The following ZNRF1 variants were observed in gnomAD, a reference collection of about 807,000 sequenced individuals.
The protein encoded by ZNRF1 is zinc and ring finger 1, also known as E3 ubiquitin-protein ligase ZNRF1.
In ZNRF1, 3 loss-of-function variants were observed where a neutral mutation model predicts 18.4. The observed-to-expected ratio is 0.16, with a 90% CI of 0.07 to 0.42. The LOEUF is 0.42. Ranked by LOEUF, ZNRF1 falls within the 10% of genes least tolerant of loss-of-function variation. ZNRF1 has a pLI of 0.99. For synonymous variants in ZNRF1, 157 were observed against 144.2 expected, an observed-to-expected ratio of 1.09 and a Z score of -0.64; for missense variants, 310 against 329.8, an observed-to-expected ratio of 0.94 and a Z score of 0.47.
intron 2 of ZNRF1, among the ~76,000 whole-genome samples, chr16:75,098,320 C>G (rs1361262448): frequency 3.9e-5 from 6 of 152,222 alleles, no homozygotes; most frequent in African/African-American, 1.4e-4. Flanking sequence ...TGGGAGGGAG[C>G]TGTAGTGGCC....
Position 75,026,924 on chromosome 16 carries a change from A to G in ZNRF1, c.424+26829A>G, listed in dbSNP as rs573601711. 2.0e-5 allele frequency among the ~76,000 whole-genome samples: 3 copies of G among 150,082 alleles called. No homozygotes were observed. In the South Asian group the frequency reaches 6.3e-4, roughly 32 times the overall value. On this transcript the variant is annotated intron_variant, in intron 1 of 4. Transcript: ENST00000335325. ...TCTCAAAAAAAAAAAGAAAGAAAGA[A>G]AAAGAATATCACTAATAACAGACAT... is the stretch of plus-strand genomic sequence containing the variant.
At chr16:75,049,236 C>G (rs1442857910) in intron 1 of ZNRF1, among the ~76,000 whole-genome samples, 2 of 151,926 alleles carry the variant, frequency 1.3e-5, no homozygotes, top group Admixed American at 6.6e-5. Flanking sequence ...AACTCCTGAC[C>G]TTAGGTGATC....
At chr16:75,067,032 G>C (rs145864782) in intron 1 of ZNRF1, among the ~76,000 whole-genome samples, 1 of 152,172 alleles carries the variant, frequency 6.6e-6, no homozygotes, top group African/African-American at 2.4e-5. Flanking sequence ...GGCTGTGGCT[G>C]CGACCATCTC....
At chr16:75,079,486 A>T (rs1373298831) in intron 1 of ZNRF1, among the ~76,000 whole-genome samples, 1 of 152,080 alleles carries the variant, frequency 6.6e-6, no homozygotes, top group Non-Finnish European at 1.5e-5. Flanking sequence ...CTCAAAAACA[A>T]AAACAAGAAA....
chr16:75,043,764 C>G (rs1302914338), intron 1 of ZNRF1, among the ~76,000 whole-genome samples: 2 of 148,058 alleles, frequency 1.4e-5, no homozygotes, highest in African/African-American at 5.0e-5. Flanking sequence ...TGTTGCATAT[C>G]AGGAGCCAGC....
intron 1 of ZNRF1, among the ~76,000 whole-genome samples, chr16:75,065,134 C>T (rs539499352): frequency 1.3e-5 from 2 of 152,320 alleles, no homozygotes; most frequent in Admixed American, 6.5e-5. Context: ...ATTGCCTTGG[C>T]AATTATAGTA....
At chr16:75,062,541 T>A (rs1187844409) in intron 1 of ZNRF1, among the ~76,000 whole-genome samples, 3 of 152,238 alleles carry the variant, frequency 2.0e-5, no homozygotes, top group African/African-American at 7.2e-5. Context: ...GAGCTCCCTT[T>A]GTCATCTATG....
chr16:75,105,103 G>T (rs1249836765), intron 3 of ZNRF1: 3 of 489,682 alleles, frequency 6.1e-6, no homozygotes, highest in African/African-American at 5.9e-5. Flanking sequence ...GTTGCCAGAG[G>T]TGTGCTCTGG....
intron 1 of ZNRF1, among the ~76,000 whole-genome samples, chr16:75,062,256 C>A (rs1228055044): frequency 1.3e-5 from 2 of 152,198 alleles, no homozygotes; most frequent in African/African-American, 4.8e-5. Context: ...CGTTGTCTCC[C>A]TGGGAAGCAG....
chr16:75,097,381 A>G (rs962353054), intron 2 of ZNRF1, among the ~76,000 whole-genome samples: 8 of 152,098 alleles, frequency 5.3e-5, no homozygotes, highest in Admixed American at 1.3e-4. Context: ...TGCCAGCAGC[A>G]CCAAGGAGAG....
intron 1 of ZNRF1, among the ~76,000 whole-genome samples, chr16:75,011,833 G>C (rs531735627): frequency 2.0e-5 from 3 of 152,292 alleles, no homozygotes; most frequent in African/African-American, 7.2e-5. Flanking sequence ...AAAGGATAGT[G>C]AATCTAAATG....
intron 2 of ZNRF1, chr16:75,095,571 T>A (rs1266958145): frequency 6.6e-7 from 1 of 1,507,970 alleles, no homozygotes; most frequent in Non-Finnish European, 8.9e-7. Context: ...GCTAGGGCGT[T>A]CTCTGTAGAC....
chr16:75,009,118 A>G (rs1377783687), intron 1 of ZNRF1, among the ~76,000 whole-genome samples: 6 of 152,144 alleles, frequency 3.9e-5, no homozygotes, highest in African/African-American at 1.4e-4. Flanking sequence ...ATGATTCACC[A>G]CTTTTTAAAT....
At chr16:75,020,928 T>TTGCA (rs1327573211) in intron 1 of ZNRF1, among the ~76,000 whole-genome samples, 1 of 152,234 alleles carries the variant, frequency 6.6e-6, no homozygotes, top group Non-Finnish European at 1.5e-5. Context: ...AATTTTTGGC[T>TTGCA]TGCATGCTTC....
intron 1 of ZNRF1, among the ~76,000 whole-genome samples, chr16:75,061,424 G>T (rs1196113366): frequency 6.6e-6 from 1 of 151,850 alleles, no homozygotes; most frequent in Non-Finnish European, 1.5e-5. Flanking sequence ...TTCTTTTCCT[G>T]GCTTATTTCA....
intron 1 of ZNRF1, among the ~76,000 whole-genome samples, chr16:75,042,443 C>CTTTTTTTTTTTT (rs56212046): frequency 9.4e-5 from 11 of 116,960 alleles, no homozygotes; most frequent in African/African-American, 1.3e-4. Flanking sequence ...CTGTTTCTTT[C>CTTTTTTTTTTTT]TTTTTTTTTT....
At chr16:75,076,674 G>C (rs928851497) in intron 1 of ZNRF1, among the ~76,000 whole-genome samples, 1 of 147,212 alleles carries the variant, frequency 6.8e-6, no homozygotes, top group East Asian at 2.1e-4. Context: ...CATGTGCTAC[G>C]GACTGAATGT....
At chr16:75,015,904 T>A (rs867250752) in intron 1 of ZNRF1, among the ~76,000 whole-genome samples, 27 of 151,718 alleles carry the variant, frequency 1.8e-4, no homozygotes, top group Middle Eastern at 3.4e-3. Flanking sequence ...ATCCTTGTGC[T>A]AATACGCTTT....
intron 1 of ZNRF1, among the ~76,000 whole-genome samples, chr16:75,059,309 G>T (rs528008967): frequency 8.2e-6 from 1 of 121,998 alleles, no homozygotes. Flanking sequence ...GTGCAATGGC[G>T]CAATTTTGGC....
Sources: allele counts gnomAD v4.1 joint callset (sites outside exome capture counted in the v4.1 genomes callset), GRCh38; gene constraint gnomAD v4.1.1; transcripts MANE v1.5; gene names NCBI Gene and HGNC (gene_info 2026-07-23, HGNC 2026-07-21).